Variants in RBM23 observed in about 807,000 individuals in gnomAD.
RBM23 encodes the protein probable RNA-binding protein 23.
RBM23 carries 53 observed loss-of-function variants against 56.2 expected under a neutral mutation model. The observed-to-expected ratio is 0.94, with a 90% CI of 0.76 to 1.19. The LOEUF is 1.19. Ranked by LOEUF, RBM23 falls within the 50% of genes most tolerant of loss-of-function variation. RBM23 has a pLI of 0.00. For missense variants in RBM23, 642 were observed against 590.3 expected (o/e 1.09, Z -0.91); for synonymous variants, 197 against 198.5 (o/e 0.99, Z 0.06).
rs1566545667 is a variant in RBM23, at chr14:22,905,159, GCA to G, written c.659_660del (p.Val220AlafsTer56). 1 of 1,614,168 alleles carries G rather than the reference GCA, an allele frequency of 6.2e-7. No homozygotes were observed. Among genetic ancestry groups the G allele is most frequent in the East Asian group, 2.2e-5 (1 of 44,886 alleles). ...AYVEFCEIQS[V>X]PLAIGLTGQR... ...TGCCCAGTCAGCCCAATGGCCAGTG[GCA>G]CAGACTGGATTTCACAGAATTCCAC... On this transcript the variant is annotated frameshift_variant, in exon 8 of 14. Transcript: ENST00000359890. LOFTEE classifies it high-confidence loss of function.
At chr14:22,916,789 T>C (rs1001655169) in intron 1 of RBM23, among the ~76,000 whole-genome samples, 2 of 152,144 alleles carry the variant, frequency 1.3e-5, no homozygotes, top group African/African-American at 2.4e-5. Flanking sequence ...GTGAGTCTCC[T>C]ATATCTGAGG....
chr14:22,907,330 G>T (rs1030556555), intron 4 of RBM23, among the ~76,000 whole-genome samples: 2 of 151,620 alleles, frequency 1.3e-5, no homozygotes, highest in African/African-American at 4.8e-5. Context: ...CAACAAAAGC[G>T]AAACTCGGTC....
chr14:22,903,020 G>A (rs775557677), intron 10 of RBM23: 79 of 940,104 alleles, frequency 8.4e-5, no homozygotes, highest in African/African-American at 6.2e-4. Flanking sequence ...GACCTCAGGC[G>A]ATTCACCCAC....
intron 1 of RBM23, among the ~76,000 whole-genome samples, chr14:22,916,259 G>GT (rs11302423): frequency 0.013 from 1,768 of 137,824 alleles, 22 homozygotes; most frequent in African/African-American, 0.023. Context: ...AGGGAAGAAT[G>GT]TTTTTTTTTT....
chr14:22,904,387 T>G, intron 9 of RBM23, 61 bp from the exon 10 acceptor site: 40 of 1,201,014 alleles, frequency 3.3e-5, no homozygotes, highest in Non-Finnish European at 4.5e-5. Flanking sequence ...CAATCTTTCC[T>G]ACCCAGACTG....
At chr14:22,915,171 T>A (rs1008128633) in intron 1 of RBM23, among the ~76,000 whole-genome samples, 2 of 152,156 alleles carry the variant, frequency 1.3e-5, no homozygotes, top group East Asian at 3.8e-4. Context: ...CTAAGCATGT[T>A]ATGGAGAGAG....
In RBM23 at chr14:22,901,540, G is replaced by T; in HGVS notation, c.*190C>A. ...TCAACTGGTGGCTTTGCTCAGCAGA[G>T]TCCATTTCCAGTGGGACCATGGGCA... On this transcript the variant is annotated 3_prime_UTR_variant, in exon 14 of 14. Coordinates refer to ENST00000359890, the MANE Select transcript of RBM23 (RefSeq NM_001077351.2). 2 of 773,380 alleles carry T rather than the reference G, an allele frequency of 2.6e-6. No individual in the cohort carries two copies. Among genetic ancestry groups the T allele is most frequent in the Non-Finnish European group, 4.2e-6 (2 of 475,198 alleles). 47.9% of individuals were successfully genotyped at this position (773,380 alleles called of 1,614,324 possible). A position where few individuals can be genotyped will look rare whatever the true frequency, so the allele number is the denominator to read the frequency against.
At chr14:22,915,428 ACCTCAGGTGATCCGACCGCCTCGC>A (rs1204711555) in intron 1 of RBM23, among the ~76,000 whole-genome samples, 9 of 149,778 alleles carry the variant, frequency 6.0e-5, no homozygotes, top group Admixed American at 6.0e-4. Context: ...CGAACTCTCG[ACCTCAGGTGATCCGACCGCCTCGC>A]CCTCCCAAAG....
At position 22,902,050 on chromosome 14, in the gene RBM23, GGCGGCGGCA is replaced by G. The variant is rs1566523800; in HGVS notation, c.1167_1175del (p.Ala391_Ala393del). ...TCAGTTGCAAGGCAGCAGCCTGGGC[GGCGGCGGCA>G]GCAGCAGCAGCAGCAGTGCTTGGCA... On this transcript the variant is annotated inframe_deletion, in exon 12 of 14. Transcript: ENST00000359890. 3 of 1,612,310 alleles carry G rather than the reference GGCGGCGGCA, an allele frequency of 1.9e-6. 1 individual carries two copies. In the South Asian group the frequency reaches 3.3e-5, roughly 18 times the overall value.
intron 2 of RBM23, among the ~76,000 whole-genome samples, chr14:22,911,013 AG>A (rs1455261101): frequency 6.6e-6 from 1 of 152,166 alleles, no homozygotes; most frequent in Non-Finnish European, 1.5e-5. Flanking sequence ...CTGTCTCAAA[AG>A]AAAAAAAAAA....
rs1196072368 is a variant in RBM23 at position 22,893,828 on chromosome 14, A to C, written c.*7902T>G. 6.6e-6 allele frequency: 1 copy of C among 152,196 alleles called. No homozygotes were observed. The highest frequency in any genetic ancestry group is 6.5e-5 in the Admixed American group (1 of 15,282). The allele number at this position is 152,196 out of a possible 1,614,324, so 9.4% of individuals were successfully genotyped here. On this transcript the variant is annotated 3_prime_UTR_variant, in exon 14 of 14. Coordinates refer to ENST00000359890, the MANE Select transcript of RBM23 (RefSeq NM_001077351.2). ...CGGTGACTCCCTGATGGATATGCTT[A>C]AGGTCCCTTTTCATCTATTTGAATA...
intron 10 of RBM23, chr14:22,903,366 T>C (rs2040958438): frequency 5.1e-6 from 5 of 985,348 alleles, no homozygotes; most frequent in Non-Finnish European, 6.0e-6. Context: ...CACAGAAGCC[T>C]TTCCATATCT....
At position 22,899,132 on chromosome 14, in the gene RBM23, G is replaced by C. The variant is rs1220971074; in HGVS notation, c.*2598C>G. On this transcript the variant is annotated 3_prime_UTR_variant, in exon 14 of 14. Coordinates refer to ENST00000359890, the MANE Select transcript of RBM23 (RefSeq NM_001077351.2). Reference sequence around the variant, plus strand: ...TCACATTGGAAATTTGACTCCCAATGCAACAGTGTTGAAGATGGGGCTTAA... The same window carrying C: ...TCACATTGGAAATTTGACTCCCAATCCAACAGTGTTGAAGATGGGGCTTAA... 1 of 152,218 alleles carries C rather than the reference G, an allele frequency of 6.6e-6. No homozygotes were observed. The highest frequency in any genetic ancestry group is 1.9e-4 in the East Asian group (1 of 5,196). 9.4% of individuals were successfully genotyped at this position (152,218 alleles called of 1,614,324 possible). A position where few individuals can be genotyped will look rare whatever the true frequency, so the allele number is the denominator to read the frequency against.
chr14:22,894,136 A>T lies in RBM23; in HGVS notation c.*7594T>A, dbSNP rs2040209708. 10 of 152,240 alleles carry T rather than the reference A, an allele frequency of 6.6e-5. No homozygotes were observed. The highest frequency in any genetic ancestry group is 6.5e-4 in the Admixed American group (10 of 15,280). 9.4% of individuals were successfully genotyped at this position (152,240 alleles called of 1,614,324 possible). ...ATACAGAGAAGCGGTGGAAGTAGTA[A>T]TGCCTTTTGCAACCTATGTCCTGGC... On this transcript the variant is annotated 3_prime_UTR_variant, in exon 14 of 14. Coordinates refer to ENST00000359890, the MANE Select transcript of RBM23 (RefSeq NM_001077351.2).
At chr14:22,905,474 A>C (rs1455654169) in intron 6 of RBM23, 21 bp from the exon 7 acceptor site, 2 of 1,611,622 alleles carry the variant, frequency 1.2e-6, no homozygotes, top group South Asian at 2.2e-5. Flanking sequence ...AAATGTGTTG[A>C]GACCAGCCCT....
chr14:22,911,672 G>A (rs1566583640), intron 1 of RBM23: 1 of 188,046 alleles, frequency 5.3e-6, no homozygotes, highest in Non-Finnish European at 1.1e-5. Flanking sequence ...TAGCACTCTG[G>A]GAGGGCAAGG....
At chr14:22,903,943 C>T in intron 10 of RBM23, 1 of 1,288,402 alleles carries the variant, frequency 7.8e-7, no homozygotes, top group Non-Finnish European at 9.9e-7. Flanking sequence ...AAAGCCCATA[C>T]CTAACCTCCC....
intron 10 of RBM23, chr14:22,903,831 C>T (rs1035607332): frequency 1.5e-5 from 17 of 1,111,582 alleles, no homozygotes; most frequent in Middle Eastern, 8.4e-4. Context: ...TGATCCTTCT[C>T]GGTGCAGAAA....
Position 22,902,030 on chromosome 14 carries a change from T to C in RBM23, c.1196A>G (p.Gln399Arg). 6.2e-7 allele frequency: 1 copy of C among 1,609,934 alleles called. No homozygotes were observed. The highest frequency in any genetic ancestry group is 1.1e-5 in the South Asian group (1 of 90,660). ...AAAAAQAAAL[Q>R]LNGAVPLGAL... ...CCCCAAGGGAACTGCTCCATTCAGT[T>C]GCAAGGCAGCAGCCTGGGCGGCGGC... The change falls in exon 12 of 14, where the codon CAA (glutamine) becomes CGA (arginine). Residue 399 changes from glutamine to arginine, a missense_variant. By Grantham distance (43) the Gln-to-Arg change is conservative. Coordinates refer to ENST00000359890, the MANE Select transcript of RBM23 (RefSeq NM_001077351.2).
Sources: allele counts gnomAD v4.1 joint callset (sites outside exome capture counted in the v4.1 genomes callset), GRCh38; gene constraint gnomAD v4.1.1; transcripts MANE v1.5; gene names NCBI Gene and HGNC (gene_info 2026-07-23, HGNC 2026-07-21).